NAAA: variants seen among roughly 807,000 people sequenced by gnomAD.
NAAA encodes the protein N-acylethanolamine-hydrolyzing acid amidase.
NAAA carries 39 observed loss-of-function variants against 44.8 expected under a neutral mutation model. That is an observed-to-expected ratio of 0.87 (90% CI 0.67 to 1.14). The LOEUF (loss-of-function observed/expected upper bound fraction) is 1.14, where lower values mean the gene tolerates loss of function less well. Among genes scored for constraint, NAAA ranks in the 50% most tolerant of loss-of-function variants. The probability of loss-of-function intolerance (pLI) is 0.00; values close to 1 mark genes in which losing one functional copy is unlikely to be tolerated. For missense variants in NAAA, 460 were observed against 467.8 expected, an observed-to-expected ratio of 0.98 and a Z score of 0.15; for synonymous variants, 178 against 191.3, an observed-to-expected ratio of 0.93 and a Z score of 0.58.
chr4:75,921,998 C>A (rs1229682777), intron 5 of NAAA, among the ~76,000 whole-genome samples: 2 of 152,168 alleles, frequency 1.3e-5, no homozygotes, highest in East Asian at 3.9e-4. Flanking sequence ...GGAGGGCCTG[C>A]TCTTCCTGTC....
downstream of NAAA, chr4:75,911,363 CA>C: frequency 4.0e-6 from 2 of 497,062 alleles, no homozygotes. Flanking sequence ...ACTGCACAGA[CA>C]AAACCAATTC....
intron 4 of NAAA, among the ~76,000 whole-genome samples, chr4:75,928,772 TTATCATCCCTGC>T (rs1726963229): frequency 6.7e-6 from 1 of 149,948 alleles, no homozygotes; most frequent in Non-Finnish European, 1.5e-5. Flanking sequence ...ATAGCAGCTA[TTATCATCCCTGC>T]TTTTTTTTTT....
chr4:75,918,667 G>A (rs1434256011), intron 9 of NAAA, 94 bp downstream of exon 9: 2 of 1,354,716 alleles, frequency 1.5e-6, no homozygotes, highest in African/African-American at 1.4e-5. Flanking sequence ...CCTGGTTACA[G>A]GAGCCCTCAG....
At chr4:75,930,526 G>T (rs748641987) in intron 4 of NAAA, 1 of 516,704 alleles carries the variant, frequency 1.9e-6, no homozygotes, top group South Asian at 1.4e-5. Context: ...ACCAGAAAGT[G>T]CTTTACAAAT....
chr4:75,936,435 T>G lies in NAAA; in HGVS notation c.372-200A>C, dbSNP rs559394329. Among the ~76,000 whole-genome samples, 8 of 152,322 alleles carry G rather than the reference T, an allele frequency of 5.3e-5. 1 individual carries two copies. The South Asian group carries it at 1.7e-3, about 32-fold the overall frequency. On this transcript the variant is annotated intron_variant, in intron 2 of 10. Coordinates refer to ENST00000286733, the MANE Select transcript of NAAA (RefSeq NM_014435.4). ...ACAACTGGATACAACTCATCTGTGT[T>G]CATTCAGTGTTTCTAGGATCTTTAC...
In NAAA at chr4:75,935,997, T is replaced by G. The variant is rs200169565; in HGVS notation, c.498+112A>C. 3.5e-4 allele frequency: 458 copies of G among 1,326,770 alleles called. 7 individuals are homozygous for G. The South Asian group carries it at 5.6e-3, about 16-fold the overall frequency. The allele number at this position is 1,326,770 out of a possible 1,614,324, so 82.2% of individuals were successfully genotyped here. On this transcript the variant is annotated intron_variant, in intron 3 of 10. Coordinates refer to ENST00000286733, the MANE Select transcript of NAAA (RefSeq NM_014435.4). ...GGCTTTGTTTTTCCAGGGGTGTGAT[T>G]TTTTTGTGTCTTACACTGATAACAC...
At chr4:75,918,955 C>G (rs1340923187) in intron 8 of NAAA, among the ~76,000 whole-genome samples, 166 bp from the exon 9 acceptor site, 15 of 151,214 alleles carry the variant, frequency 9.9e-5, no homozygotes, top group Admixed American at 6.6e-5. Context: ...CCAGCCTGGG[C>G]AACATAGAGA....
chr4:75,931,366 G>T, intron 3 of NAAA, 62 bp from the exon 4 acceptor site: 1 of 1,235,674 alleles, frequency 8.1e-7, no homozygotes, highest in Non-Finnish European at 1.2e-6. Flanking sequence ...GAAATCACCT[G>T]TTCTGCCCCA....
chr4:75,940,309 C>G (rs758463331), intron 1 of NAAA, 144 bp from the exon 2 acceptor site: 3 of 752,362 alleles, frequency 4.0e-6, no homozygotes, highest in Non-Finnish European at 5.9e-6. Context: ...CCAGGCGCGG[C>G]GTCACTCAAT....
chr4:75,920,840 T>A (rs1354244802), intron 6 of NAAA, 40 bp from the exon 7 acceptor site: 13 of 1,613,874 alleles, frequency 8.1e-6, no homozygotes, highest in Non-Finnish European at 1.0e-5. Flanking sequence ...CCAAGGCAAT[T>A]TACGACATAG....
intron 5 of NAAA, among the ~76,000 whole-genome samples, chr4:75,922,611 C>G (rs894625606): frequency 1.3e-5 from 2 of 152,194 alleles, no homozygotes; most frequent in Admixed American, 6.5e-5. Context: ...CTTTGTTAAA[C>G]CTAAGCATAA....
chr4:75,913,914 T>C lies in NAAA; in HGVS notation c.*461A>G, dbSNP rs548638282. On this transcript the variant is annotated 3_prime_UTR_variant, in exon 11 of 11. Coordinates refer to ENST00000286733, the MANE Select transcript of NAAA (RefSeq NM_014435.4). ...ACATTCAAACAGGCTTGGTTCGAAA[T>C]AGAGTTCTCCATTTCTTTCAGATGA... 23 of 985,420 alleles carry C rather than the reference T, an allele frequency of 2.3e-5. No homozygotes were observed. Among genetic ancestry groups the C allele is most frequent in the Non-Finnish European group, 2.5e-5 (21 of 829,934 alleles). 61.0% of individuals were successfully genotyped at this position (985,420 alleles called of 1,614,324 possible).
intron 3 of NAAA, 176 bp downstream of exon 3, chr4:75,935,933 G>A (rs904595794): frequency 3.8e-5 from 26 of 692,320 alleles, no homozygotes; most frequent in African/African-American, 5.4e-5. Flanking sequence ...ATAAATGACC[G>A]TCCTTCCTAT....
At chr4:75,931,498 G>T (rs1366267150) in intron 3 of NAAA, among the ~76,000 whole-genome samples, 194 bp from the exon 4 acceptor site, 1 of 152,062 alleles carries the variant, frequency 6.6e-6, no homozygotes, top group East Asian at 1.9e-4. Context: ...TCCATAGATA[G>T]ATTTTAGTAG....
chr4:75,921,053 A>G lies in NAAA; in HGVS notation c.737T>C (p.Val246Ala). Residue 246 changes from valine (V) to alanine (A), a missense_variant, in exon 6 of 11, where the codon GTT becomes GCT. Transcript: ENST00000286733. ...KLAKTPLIAD[V>A]YYIVGGTSPR... Reference sequence around the variant, plus strand: ...GGACGTGCCACCAACAATGTAATAAACATCAGCAATAAGGGGAGTCTTGGC... The same window carrying G: ...GGACGTGCCACCAACAATGTAATAAGCATCAGCAATAAGGGGAGTCTTGGC... 1.2e-6 allele frequency: 2 copies of G among 1,604,672 alleles called. No homozygotes were observed. Among genetic ancestry groups the G allele is most frequent in the East Asian group, 4.5e-5 (2 of 44,834 alleles).
At position 75,936,143 on chromosome 4, in the gene NAAA, A is replaced by G; in HGVS notation, c.464T>C (p.Leu155Pro). 6.2e-7 allele frequency: 1 copy of G among 1,614,118 alleles called. No individual in the cohort carries two copies. Among genetic ancestry groups the G allele is most frequent in the Non-Finnish European group, 8.5e-7 (1 of 1,179,970 alleles). Residue 155 changes from leucine to proline, a missense_variant, in exon 3 of 11, where the codon CTG (leucine) becomes CCG (proline). Leu to Pro is a moderately conservative substitution (Grantham distance 98). Transcript: ENST00000286733. ...DYPFGNVLRK[L>P]TVDVQFLKNG... ...CTTTAAGAATTGCACATCCACTGTC[A>G]GCTTGCGTAAGACATTCCCAAAAGG...
In NAAA at chr4:75,920,742, G is replaced by A. The variant is rs529142915; in HGVS notation, c.898C>T (p.Arg300Trp). The A allele has an allele frequency of 7.7e-5, 125 of 1,614,060 alleles. 1 individual carries two copies. Among genetic ancestry groups the A allele is most frequent in the Non-Finnish European group, 9.3e-5 (110 of 1,180,026 alleles). ...HWKPAPKEDD[R>W]RTSAIKALNA... ...AGAAAGCACGTAGCAGCCTACCTCC[G>A]GTCATCTTCCTTGGGTGCTGGCTTC... Residue 300 changes from arginine (R) to tryptophan (W), a missense_variant, in exon 7 of 11, where the codon CGG becomes TGG. Coordinates refer to ENST00000286733, the MANE Select transcript of NAAA (RefSeq NM_014435.4).
intron 9 of NAAA, chr4:75,917,211 G>T: frequency 2.3e-6 from 1 of 429,320 alleles, no homozygotes; most frequent in Non-Finnish European, 3.1e-6. Context: ...AGTCAATAGT[G>T]CATTGGAGCT....
chr4:75,937,485 TGTTA>T (rs1414303576), intron 2 of NAAA, among the ~76,000 whole-genome samples: 1 of 85,880 alleles, frequency 1.2e-5, no homozygotes, highest in African/African-American at 4.4e-5. Context: ...CCAAGGTTTC[TGTTA>T]TTTATTTATT....
Sources: gnomAD v4.1 joint callset for allele counts (sites outside exome capture counted in the v4.1 genomes callset) on GRCh38, gnomAD v4.1.1 for gene constraint, MANE v1.5 for transcripts, NCBI Gene and HGNC (gene_info 2026-07-23, HGNC 2026-07-21) for gene names.